INTS9: variants seen among roughly 807,000 people sequenced by gnomAD.
The protein encoded by INTS9 is protein related to CPSF subunits of 74 kDa.
In INTS9, 55 loss-of-function variants were observed where a neutral mutation model predicts 79.7. The observed-to-expected ratio is 0.69, with a 90% confidence interval of 0.56 to 0.86. The LOEUF (loss-of-function observed/expected upper bound fraction) is 0.86. Among genes scored for constraint, INTS9 ranks in the 40% least tolerant of loss-of-function variants. The pLI is 0.00. For synonymous variants in INTS9, 319 were observed against 325.2 expected, an observed-to-expected ratio of 0.98 and a Z score of 0.20; for missense variants, 721 against 831.5, an observed-to-expected ratio of 0.87 and a Z score of 1.64.
intron 6 of INTS9, among the ~76,000 whole-genome samples, chr8:28,822,580 TA>T (rs1805903351): frequency 6.6e-6 from 1 of 152,070 alleles, no homozygotes; most frequent in Non-Finnish European, 1.5e-5. Context: ...GCCCACTAAG[TA>T]CTCAGCACAT....
At chr8:28,858,138 A>G (rs189048516) in intron 2 of INTS9, among the ~76,000 whole-genome samples, 1 of 152,350 alleles carries the variant, frequency 6.6e-6, no homozygotes, top group East Asian at 1.9e-4. Context: ...CAGGAAATTC[A>G]TGACCCCACA....
chr8:28,846,609 G>T, intron 4 of INTS9, 138 bp downstream of exon 4: 1 of 662,476 alleles, frequency 1.5e-6, no homozygotes, highest in Non-Finnish European at 2.7e-6. Flanking sequence ...TTTTGGCTGT[G>T]TAACAATGTG....
At chr8:28,773,201 C>T (rs1267269586) in intron 14 of INTS9, among the ~76,000 whole-genome samples, 1 of 152,180 alleles carries the variant, frequency 6.6e-6, no homozygotes, top group South Asian at 2.1e-4. Flanking sequence ...CAGTGGCTCA[C>T]GCCTGTAATC....
At chr8:28,821,333 G>A (rs1033462023) in intron 6 of INTS9, among the ~76,000 whole-genome samples, 33 of 152,190 alleles carry the variant, frequency 2.2e-4, no homozygotes, top group African/African-American at 7.2e-4. Context: ...GAGAAAATGA[G>A]GAAGAAGCAA....
rs192402784 is a variant in INTS9, at chr8:28,877,871, G to T, written c.9+12003C>A. Reference sequence around the variant, plus strand: ...TTGGTGGTGGAACAATATCTTTCAGGCAAATATCCACAATTCTAAATGCTT... The same window carrying T: ...TTGGTGGTGGAACAATATCTTTCAGTCAAATATCCACAATTCTAAATGCTT... On this transcript the variant is annotated intron_variant, in intron 1 of 16. Coordinates refer to ENST00000521022, the MANE Select transcript of INTS9 (RefSeq NM_018250.4). 2.8e-3 allele frequency among the ~76,000 whole-genome samples: 433 copies of T among 152,132 alleles called. 2 individuals are homozygous for T. The highest frequency in any genetic ancestry group is 5.4e-3 in the Non-Finnish European group (365 of 67,978).
At chr8:28,802,122 G>A (rs1804560794) in intron 8 of INTS9, among the ~76,000 whole-genome samples, 1 of 152,174 alleles carries the variant, frequency 6.6e-6, no homozygotes, top group Non-Finnish European at 1.5e-5. Flanking sequence ...GAATGACTGG[G>A]TGGAAAATGC....
chr8:28,861,174 T>C (rs1808439947), intron 1 of INTS9, among the ~76,000 whole-genome samples: 1 of 152,256 alleles, frequency 6.6e-6, no homozygotes, highest in Non-Finnish European at 1.5e-5. Context: ...CTAGGATCCA[T>C]GATTTTGGTA....
intron 1 of INTS9, among the ~76,000 whole-genome samples, chr8:28,869,249 C>T (rs922113615): frequency 6.6e-6 from 1 of 152,050 alleles, no homozygotes; most frequent in Non-Finnish European, 1.5e-5. Flanking sequence ...GCCATGTTGC[C>T]CAGGCTGGTG....
chr8:28,844,782 C>T (rs1362227815), intron 4 of INTS9, among the ~76,000 whole-genome samples: 3 of 152,074 alleles, frequency 2.0e-5, no homozygotes, highest in Non-Finnish European at 4.4e-5. Flanking sequence ...CACCACTGTA[C>T]TCCAGCCTAG....
intron 8 of INTS9, among the ~76,000 whole-genome samples, chr8:28,806,066 CA>C (rs913487376): frequency 2.6e-5 from 3 of 115,340 alleles, no homozygotes; most frequent in Admixed American, 8.7e-5. Context: ...CCTGTCTCTA[CA>C]AAAAAAACAA....
At chr8:28,847,644 C>A (rs1807603701) in intron 3 of INTS9, among the ~76,000 whole-genome samples, 1 of 152,208 alleles carries the variant, frequency 6.6e-6, no homozygotes, top group Non-Finnish European at 1.5e-5. Flanking sequence ...TAGATATAGT[C>A]CAACTTCTCA....
chr8:28,889,482 A>T (rs1193880606), intron 1 of INTS9, among the ~76,000 whole-genome samples: 5 of 152,210 alleles, frequency 3.3e-5, no homozygotes, highest in Non-Finnish European at 7.3e-5. Flanking sequence ...GCCAGTCTCA[A>T]CAACAGTAGG....
intron 8 of INTS9, among the ~76,000 whole-genome samples, chr8:28,803,239 G>A (rs1804622773): frequency 6.6e-6 from 1 of 152,218 alleles, no homozygotes; most frequent in African/African-American, 2.4e-5. Context: ...GTCAGACAGA[G>A]TAGCCAAGAA....
At chr8:28,849,677 G>A (rs1807718496) in intron 3 of INTS9, among the ~76,000 whole-genome samples, 2 of 152,042 alleles carry the variant, frequency 1.3e-5, no homozygotes, top group Admixed American at 1.3e-4. Context: ...CCCACACAGT[G>A]GCCAGAGTGA....
chr8:28,810,703 T>C (rs1048685779), intron 8 of INTS9, among the ~76,000 whole-genome samples: 1 of 152,168 alleles, frequency 6.6e-6, no homozygotes, highest in Non-Finnish European at 1.5e-5. Flanking sequence ...AACAGCTAAC[T>C]AATGTCCCCC....
chr8:28,784,132 T>C (rs1877056), intron 11 of INTS9: 1 of 152,162 alleles, frequency 6.6e-6, no homozygotes, highest in Non-Finnish European at 1.5e-5. Flanking sequence ...CTCATGGGCA[T>C]TGGTAACATT....
chr8:28,768,361 T>TGC (rs748323977), intron 16 of INTS9, 39 bp from the exon 17 acceptor site: 1 of 1,581,486 alleles, frequency 6.3e-7, no homozygotes, highest in Admixed American at 1.7e-5. Context: ...CTGGGCAGAC[T>TGC]GCACATCTGT....
intron 1 of INTS9, among the ~76,000 whole-genome samples, chr8:28,888,404 G>C (rs1216583967): frequency 2.0e-5 from 3 of 151,200 alleles, no homozygotes; most frequent in Non-Finnish European, 1.5e-5. Context: ...AAATAAGCAG[G>C]GTGCAGTGGT....
intron 6 of INTS9, among the ~76,000 whole-genome samples, chr8:28,819,669 C>G (rs947079016): frequency 6.6e-6 from 1 of 152,130 alleles, no homozygotes; most frequent in African/African-American, 2.4e-5. Flanking sequence ...TCTATTAGGT[C>G]TGCTTGGTGC....
Sources: gnomAD v4.1 joint callset for allele counts (sites outside exome capture counted in the v4.1 genomes callset) on GRCh38, gnomAD v4.1.1 for gene constraint, MANE v1.5 for transcripts, NCBI Gene and HGNC (gene_info 2026-07-23, HGNC 2026-07-21) for gene names.